Variants in PDE4B observed in about 807,000 individuals in gnomAD.
PDE4B encodes 3',5'-cyclic-AMP phosphodiesterase 4B.
PDE4B carries 20 observed loss-of-function variants against 82.2 expected under a neutral mutation model. The observed-to-expected ratio is 0.24, with a 90% confidence interval of 0.17 to 0.35. The LOEUF (loss-of-function observed/expected upper bound fraction) is 0.35. Ranked by LOEUF, PDE4B falls within the 10% of genes least tolerant of loss-of-function variation. PDE4B has a pLI of 1.00. For synonymous variants in PDE4B, 320 were observed against 318.9 expected (o/e 1.00, Z -0.04); for missense variants, 655 against 907.2 (o/e 0.72, Z 3.57).
intron 3 of PDE4B, among the ~76,000 whole-genome samples, chr1:66,136,156 A>G (rs1399092022): frequency 6.6e-6 from 1 of 152,080 alleles, no homozygotes; most frequent in East Asian, 1.9e-4. Flanking sequence ...ATGCAGTTCC[A>G]CTTTTTAATG....
At chr1:66,062,852 T>C (rs968582846) in intron 3 of PDE4B, 5 of 152,080 alleles carry the variant, frequency 3.3e-5, no homozygotes, top group African/African-American at 7.2e-5. Flanking sequence ...TGTTGACCAT[T>C]TTAATACAAT....
rs564061376 is a variant in PDE4B, at chr1:66,101,293, C to A, written c.282-146167C>A. ...TGTGAATAGTGCCACAATAAACATA[C>A]ATGTGCATGTGTCTTTATAGCAGCA... On this transcript the variant is annotated intron_variant, in intron 3 of 16. Coordinates refer to ENST00000341517, the MANE Select transcript of PDE4B (RefSeq NM_002600.4). Among the ~76,000 whole-genome samples the A allele has an allele frequency of 6.4e-3, 972 of 152,270 alleles. 4 individuals are homozygous for A. The highest frequency in any genetic ancestry group is 1.0e-2 in the Non-Finnish European group (677 of 68,016).
At chr1:65,915,801 C>T (rs1403011843) in intron 2 of PDE4B, among the ~76,000 whole-genome samples, 1 of 152,136 alleles carries the variant, frequency 6.6e-6, no homozygotes, top group Non-Finnish European at 1.5e-5. Context: ...GACTTTTAAA[C>T]AAACAGTTAT....
intron 3 of PDE4B, among the ~76,000 whole-genome samples, chr1:66,114,698 C>A (rs1645558228): frequency 6.8e-6 from 1 of 147,996 alleles, no homozygotes; most frequent in Admixed American, 6.8e-5. Context: ...TGCAATGGCA[C>A]AATCTCGGCT....
intron 3 of PDE4B, among the ~76,000 whole-genome samples, chr1:66,040,457 T>C (rs1474627758): frequency 6.6e-6 from 1 of 151,992 alleles, no homozygotes; most frequent in Admixed American, 6.6e-5. Flanking sequence ...GTTACAATTC[T>C]TTGCTCCATT....
intron 3 of PDE4B, among the ~76,000 whole-genome samples, chr1:65,965,458 A>T (rs756916470): frequency 3.9e-5 from 6 of 152,094 alleles, no homozygotes; most frequent in Non-Finnish European, 7.4e-5. Context: ...AGCGATACAC[A>T]TTAGACACTT....
chr1:66,055,607 C>T (rs1471088542), intron 3 of PDE4B, among the ~76,000 whole-genome samples: 1 of 152,004 alleles, frequency 6.6e-6, no homozygotes, highest in African/African-American at 2.4e-5. Flanking sequence ...TTAAACTCAT[C>T]CCACTCTTTC....
chr1:66,332,285 CG>C, intron 7 of PDE4B: 2 of 1,510,912 alleles, frequency 1.3e-6, no homozygotes, highest in Non-Finnish European at 1.8e-6. Context: ...CTCATCCAGG[CG>C]GGGGGTTGGG....
intron 7 of PDE4B, among the ~76,000 whole-genome samples, chr1:66,310,767 C>T (rs531242444): frequency 4.7e-4 from 72 of 152,200 alleles, no homozygotes; most frequent in African/African-American, 1.7e-3. Context: ...AGTATAAGAC[C>T]TGGAGTCAAG....
intron 1 of PDE4B, among the ~76,000 whole-genome samples, chr1:65,817,049 G>A (rs1645893840): frequency 6.6e-6 from 1 of 152,158 alleles, no homozygotes; most frequent in Admixed American, 6.5e-5. Flanking sequence ...ATGTTTGTGA[G>A]GAGTGGGCCC....
At chr1:66,103,403 T>C (rs1645265106) in intron 3 of PDE4B, among the ~76,000 whole-genome samples, 1 of 152,138 alleles carries the variant, frequency 6.6e-6, no homozygotes, top group African/African-American at 2.4e-5. Flanking sequence ...TGCTTCCTAT[T>C]ATATGTCTTA....
At chr1:65,867,802 A>G (rs1182612383) in intron 1 of PDE4B, among the ~76,000 whole-genome samples, 1 of 152,214 alleles carries the variant, frequency 6.6e-6, no homozygotes, top group African/African-American at 2.4e-5. Context: ...AGATAGAAGC[A>G]GATGCCAATC....
intron 3 of PDE4B, among the ~76,000 whole-genome samples, chr1:66,034,801 C>G (rs990115266): frequency 6.6e-6 from 1 of 152,102 alleles, no homozygotes; most frequent in African/African-American, 2.4e-5. Context: ...CTCTGTCTGC[C>G]CTGACTTTTT....
rs138599732 is a variant in PDE4B at position 66,063,164 on chromosome 1, A to G, written c.281+144329A>G. On this transcript the variant is annotated intron_variant, in intron 3 of 16. Coordinates refer to ENST00000341517, the MANE Select transcript of PDE4B (RefSeq NM_002600.4). ...AGTAGTTTTGCCCAATGAGTAGTTT[A>G]AAAGACACTAAACTTAAAATCCTCA... 9.3e-3 allele frequency among the ~76,000 whole-genome samples: 1,411 copies of G among 152,184 alleles called. 10 individuals carry two copies. The highest frequency in any genetic ancestry group is 0.014 in the Non-Finnish European group (937 of 67,952).
intron 3 of PDE4B, among the ~76,000 whole-genome samples, chr1:66,126,003 A>C (rs1219237341): frequency 6.6e-6 from 1 of 152,064 alleles, no homozygotes; most frequent in Non-Finnish European, 1.5e-5. Flanking sequence ...ATGGGGTTTC[A>C]CCATGTTGGC....
rs79580685 is a variant in PDE4B at position 66,349,587 on chromosome 1, T to G, written c.748-5940T>G. Among the ~76,000 whole-genome samples the G allele has an allele frequency of 2.2e-3, 333 of 152,320 alleles. 1 individual carries two copies. Among genetic ancestry groups the G allele is most frequent in the African/African-American group, 7.5e-3 (312 of 41,574 alleles). ...TTAATGGACAATTGCATGTCCATTA[T>G]TACTTCTTTGACCATGTTACCAACT... On this transcript the variant is annotated intron_variant, in intron 8 of 16. Coordinates refer to ENST00000341517, the MANE Select transcript of PDE4B (RefSeq NM_002600.4).
At chr1:66,201,331 T>G (rs1084482) in intron 3 of PDE4B, among the ~76,000 whole-genome samples, 69,276 of 150,468 alleles carry the variant, frequency 0.46, 15,903 homozygotes, top group African/African-American at 0.52. Context: ...TCTCTGCCAG[T>G]CTTTGGTATC....
chr1:66,055,551 T>C (rs1372761687), intron 3 of PDE4B, among the ~76,000 whole-genome samples: 2 of 152,220 alleles, frequency 1.3e-5, no homozygotes, highest in African/African-American at 4.8e-5. Context: ...TACATGAGAA[T>C]GGATGACTGT....
chr1:66,283,339 C>T (rs749324655), intron 7 of PDE4B, among the ~76,000 whole-genome samples: 2 of 151,232 alleles, frequency 1.3e-5, no homozygotes, highest in African/African-American at 2.4e-5. Context: ...ACATCATTGC[C>T]GTTATTGTTA....
Sources: allele counts gnomAD v4.1 joint callset (sites outside exome capture counted in the v4.1 genomes callset), GRCh38; gene constraint gnomAD v4.1.1; transcripts MANE v1.5; gene names NCBI Gene and HGNC (gene_info 2026-07-23, HGNC 2026-07-21).